The following SLC25A21 variants were observed in gnomAD, a reference collection of about 807,000 sequenced individuals.
The protein encoded by SLC25A21 is mitochondrial 2-oxodicarboxylate carrier.
SLC25A21 carries 47 observed loss-of-function variants against 43.8 expected under a neutral mutation model. That is an observed-to-expected ratio of 1.07 (90% CI 0.85 to 1.37). The LOEUF (loss-of-function observed/expected upper bound fraction) is 1.37. SLC25A21 is among the 40% of genes most tolerant of loss of function. SLC25A21 has a pLI of 0.00. For missense variants in SLC25A21, 352 were observed against 350.2 expected (o/e 1.00, Z -0.04); for synonymous variants, 131 against 121.3 (o/e 1.08, Z -0.52).
intron 6 of SLC25A21, among the ~76,000 whole-genome samples, chr14:36,714,378 GA>G (rs1884028658): frequency 6.6e-6 from 1 of 152,314 alleles, no homozygotes; most frequent in Admixed American, 6.5e-5. Context: ...CTTCCTCTGA[GA>G]CCCAACCAAA....
At chr14:36,830,493 C>T (rs1423163005) in intron 2 of SLC25A21, among the ~76,000 whole-genome samples, 2 of 151,964 alleles carry the variant, frequency 1.3e-5, no homozygotes, top group African/African-American at 2.4e-5. Context: ...TTGTTTCCTA[C>T]TACACTACTA....
intron 1 of SLC25A21, among the ~76,000 whole-genome samples, chr14:36,950,433 T>A (rs1892781480): frequency 6.6e-6 from 1 of 152,184 alleles, no homozygotes; most frequent in Non-Finnish European, 1.5e-5. Context: ...GATATATTTC[T>A]TCCTGAAGGT....
rs1391136704 is a variant in SLC25A21 at position 36,918,904 on chromosome 14, CTCTTATT to C, written c.71-43907_71-43901del. The stretch of plus-strand genomic sequence containing the variant: ...GACACATAAATTTTTCTTTCTCTCT[CTCTTATT>C]TAACAACCCTCCTCTGTGAAAAAAG... On this transcript the variant is annotated intron_variant, in intron 1 of 9. Transcript: ENST00000331299. Among the ~76,000 whole-genome samples the C allele has an allele frequency of 2.0e-5, 3 of 152,156 alleles. No homozygotes were observed. In the East Asian group the frequency reaches 5.8e-4, roughly 29 times the overall value.
intron 1 of SLC25A21, among the ~76,000 whole-genome samples, chr14:37,007,083 G>C (rs1274914761): frequency 6.6e-6 from 1 of 152,196 alleles, no homozygotes; most frequent in Non-Finnish European, 1.5e-5. Flanking sequence ...TAGAAGGATA[G>C]ATGATAGAGA....
rs149371245 is a variant in SLC25A21 at position 37,039,349 on chromosome 14, T to C, written c.70+132932A>G. Among the ~76,000 whole-genome samples the C allele has an allele frequency of 2.0e-4, 30 of 152,310 alleles. 1 individual carries two copies. In the East Asian group the frequency reaches 5.2e-3, roughly 26 times the overall value. The stretch of plus-strand genomic sequence containing the variant: ...TTTGTATACTCCTGTGAAAACATCA[T>C]CACAATTCAAGATACTAATAAACAT... On this transcript the variant is annotated intron_variant, in intron 1 of 9. Coordinates refer to ENST00000331299, the MANE Select transcript of SLC25A21 (RefSeq NM_030631.4).
chr14:36,762,101 G>A (rs558095754), intron 3 of SLC25A21, among the ~76,000 whole-genome samples: 1 of 152,278 alleles, frequency 6.6e-6, no homozygotes, highest in Admixed American at 6.5e-5. Flanking sequence ...CATAGCGAAG[G>A]CAACACCACC....
chr14:37,049,468 A>C (rs918907573), intron 1 of SLC25A21, among the ~76,000 whole-genome samples: 5 of 152,050 alleles, frequency 3.3e-5, no homozygotes, highest in African/African-American at 1.2e-4. Flanking sequence ...GCAATTAGGG[A>C]GGCAGAAGTG....
chr14:37,100,804 G>C (rs1962803378), intron 1 of SLC25A21, among the ~76,000 whole-genome samples: 1 of 152,192 alleles, frequency 6.6e-6, no homozygotes, highest in African/African-American at 2.4e-5. Flanking sequence ...CTTAACCTCA[G>C]TTTCCGTATG....
chr14:36,977,932 T>C (rs1281038525), intron 1 of SLC25A21, among the ~76,000 whole-genome samples: 1 of 130,040 alleles, frequency 7.7e-6, no homozygotes, highest in African/African-American at 3.0e-5. Context: ...TCCTCAGTGA[T>C]TACAAAGCTT....
At chr14:36,962,924 T>C (rs558944531) in intron 1 of SLC25A21, among the ~76,000 whole-genome samples, 2 of 152,182 alleles carry the variant, frequency 1.3e-5, no homozygotes, top group Non-Finnish European at 1.5e-5. Flanking sequence ...GAGGTAGAGA[T>C]AGTAGGTATG....
chr14:37,138,005 C>T (rs1461221022), intron 1 of SLC25A21, among the ~76,000 whole-genome samples: 12 of 152,112 alleles, frequency 7.9e-5, no homozygotes, highest in Admixed American at 7.9e-4. Flanking sequence ...GCTTACATTC[C>T]TAGATGCCTT....
At chr14:36,960,593 T>C (rs1020727027) in intron 1 of SLC25A21, among the ~76,000 whole-genome samples, 17 of 152,144 alleles carry the variant, frequency 1.1e-4, no homozygotes, top group Non-Finnish European at 2.1e-4. Flanking sequence ...CTTTTGTAAT[T>C]TACCCTCCTT....
intron 1 of SLC25A21, among the ~76,000 whole-genome samples, chr14:37,151,547 C>A (rs931114455): frequency 1.3e-5 from 2 of 152,142 alleles, no homozygotes; most frequent in African/African-American, 4.8e-5. Context: ...TGGTATTTAA[C>A]ATAACCAGAG....
intron 2 of SLC25A21, among the ~76,000 whole-genome samples, chr14:36,856,834 G>A (rs995946997): frequency 4.6e-5 from 7 of 152,156 alleles, no homozygotes; most frequent in Non-Finnish European, 2.9e-5. Flanking sequence ...TAGAAAACAT[G>A]CAGTCAGATG....
chr14:36,905,591 C>T (rs1594683080), intron 1 of SLC25A21, among the ~76,000 whole-genome samples: 1 of 152,106 alleles, frequency 6.6e-6, no homozygotes, highest in Non-Finnish European at 1.5e-5. Flanking sequence ...CTTATGGCTG[C>T]TACGACTGTC....
chr14:37,030,347 T>G (rs1307164269), intron 1 of SLC25A21, among the ~76,000 whole-genome samples: 14 of 152,052 alleles, frequency 9.2e-5, no homozygotes. Context: ...CCTGATCAAT[T>G]GAAACCCGGG....
intron 3 of SLC25A21, among the ~76,000 whole-genome samples, chr14:36,776,128 T>C (rs1259790178): frequency 6.6e-6 from 1 of 152,054 alleles, no homozygotes; most frequent in African/African-American, 2.4e-5. Flanking sequence ...TTCCTCTTTT[T>C]GTACTCTTGG....
intron 1 of SLC25A21, among the ~76,000 whole-genome samples, chr14:36,980,392 G>A (rs1594734725): frequency 1.3e-5 from 2 of 152,182 alleles, no homozygotes; most frequent in East Asian, 3.9e-4. Flanking sequence ...CCAATCAGAT[G>A]TAGATTTGGT....
At chr14:36,829,574 C>T (rs574471110) in intron 2 of SLC25A21, among the ~76,000 whole-genome samples, 2 of 152,180 alleles carry the variant, frequency 1.3e-5, no homozygotes, top group Non-Finnish European at 2.9e-5. Context: ...CCTGCCCACA[C>T]CTTTACATTT....
Sources: allele counts gnomAD v4.1 joint callset (sites outside exome capture counted in the v4.1 genomes callset), GRCh38; gene constraint gnomAD v4.1.1; transcripts MANE v1.5; gene names NCBI Gene and HGNC (gene_info 2026-07-23, HGNC 2026-07-21).